TNS3: variants seen among roughly 807,000 people sequenced by gnomAD.
TNS3 encodes tensin-3.
TNS3 carries 45 observed loss-of-function variants against 140.9 expected under a neutral mutation model. The observed-to-expected ratio is 0.32, with a 90% CI of 0.25 to 0.41. The LOEUF (loss-of-function observed/expected upper bound fraction) is 0.41. Ranked by LOEUF, TNS3 falls within the 10% of genes least tolerant of loss-of-function variation. The pLI is 1.00. For missense variants in TNS3, 1,716 were observed against 1,906.7 expected (o/e 0.90, Z 1.86); for synonymous variants, 815 against 788.4 (o/e 1.03, Z -0.56).
rs190052914 is a variant in TNS3 at position 47,482,561 on chromosome 7, C to A, written c.-114-1420G>T. Among the ~76,000 whole-genome samples, 24 of 152,320 alleles carry A rather than the reference C, an allele frequency of 1.6e-4. No individual in the cohort carries two copies. The East Asian group carries it at 4.0e-3, about 26-fold the overall frequency. On this transcript the variant is annotated intron_variant, in intron 3 of 30. Coordinates refer to ENST00000311160, the MANE Select transcript of TNS3 (RefSeq NM_022748.12). Reference sequence around the variant, plus strand: ...TGGCGGAAACAGCCGGACAAGGAGACCCCATGGTTAACAGAGCGGTGTGAC... The same window carrying A: ...TGGCGGAAACAGCCGGACAAGGAGAACCCATGGTTAACAGAGCGGTGTGAC...
chr7:47,385,186 C>T (rs1792004074), intron 16 of TNS3, among the ~76,000 whole-genome samples: 1 of 152,208 alleles, frequency 6.6e-6, no homozygotes, highest in Non-Finnish European at 1.5e-5. Flanking sequence ...AGTCTCCTGC[C>T]TCTGTCAATC....
chr7:47,513,581 C>T (rs1023533573), intron 2 of TNS3, among the ~76,000 whole-genome samples: 8 of 152,304 alleles, frequency 5.3e-5, no homozygotes, highest in Middle Eastern at 3.4e-3. Flanking sequence ...GATGTTCAAC[C>T]TCATGTAATC....
chr7:47,314,167 T>C (rs946159599), intron 20 of TNS3, among the ~76,000 whole-genome samples: 1 of 152,234 alleles, frequency 6.6e-6, no homozygotes, highest in East Asian at 1.9e-4. Flanking sequence ...CCAGATAAGT[T>C]GGGTGAGTGT....
intron 20 of TNS3, among the ~76,000 whole-genome samples, chr7:47,315,706 C>T (rs1787358907): frequency 1.3e-5 from 2 of 152,212 alleles, no homozygotes; most frequent in East Asian, 1.9e-4. Context: ...AGTTGTCAGA[C>T]ATATTAAACA....
chr7:47,296,314 G>A (rs1214275373), intron 24 of TNS3, among the ~76,000 whole-genome samples: 4 of 152,200 alleles, frequency 2.6e-5, no homozygotes, highest in African/African-American at 9.7e-5. Context: ...GGTGGATGCT[G>A]GTGAGGTTGT....
intron 3 of TNS3, among the ~76,000 whole-genome samples, chr7:47,485,645 C>G (rs546506831): frequency 6.6e-6 from 1 of 152,240 alleles, no homozygotes; most frequent in Admixed American, 6.5e-5. Context: ...GTGGCATCCC[C>G]GGGATCCGTC....
intron 17 of TNS3, among the ~76,000 whole-genome samples, chr7:47,347,901 G>A (rs1231084504): frequency 6.6e-6 from 1 of 152,106 alleles, no homozygotes; most frequent in Admixed American, 6.5e-5. Flanking sequence ...TCCCACAAGG[G>A]GGAGGATTAA....
chr7:47,378,086 G>T (rs1260993754), intron 16 of TNS3, among the ~76,000 whole-genome samples: 2 of 152,160 alleles, frequency 1.3e-5, no homozygotes, highest in Non-Finnish European at 2.9e-5. Flanking sequence ...ACCTGGAGAA[G>T]GGGGTGTTTG....
At chr7:47,311,443 C>CAT (rs201243329) in intron 20 of TNS3, among the ~76,000 whole-genome samples, 32 of 131,754 alleles carry the variant, frequency 2.4e-4, no homozygotes, top group African/African-American at 7.3e-4. Context: ...TGTGTGTATA[C>CAT]ATATATATAT....
At chr7:47,497,904 C>T (rs558490372) in intron 3 of TNS3, among the ~76,000 whole-genome samples, 1 of 152,268 alleles carries the variant, frequency 6.6e-6, no homozygotes, top group African/African-American at 2.4e-5. Context: ...ATGAAAGTGG[C>T]ATCTGTTTTG....
intron 8 of TNS3, among the ~76,000 whole-genome samples, chr7:47,430,059 C>T (rs1156951514): frequency 1.3e-5 from 2 of 152,164 alleles, no homozygotes; most frequent in African/African-American, 2.4e-5. Context: ...ACATTCACCC[C>T]ATTATCAATC....
chr7:47,355,019 ACATGCCCCAAAGTCCCCTACACTGC>A (rs534825736), intron 17 of TNS3, among the ~76,000 whole-genome samples: 58 of 152,190 alleles, frequency 3.8e-4, no homozygotes, highest in African/African-American at 1.3e-3. Context: ...AAAATGGGAC[ACATGCCCCAAAGTCCCCTACACTGC>A]CACTCCCAAA....
intron 17 of TNS3, among the ~76,000 whole-genome samples, chr7:47,359,793 G>A (rs1036994141): frequency 7.2e-5 from 11 of 152,180 alleles, no homozygotes; most frequent in African/African-American, 2.2e-4. Flanking sequence ...TAAAGATGGC[G>A]CTAGAAGGTA....
At chr7:47,572,991 A>G (rs946044285) in intron 1 of TNS3, among the ~76,000 whole-genome samples, 2 of 152,164 alleles carry the variant, frequency 1.3e-5, no homozygotes, top group African/African-American at 2.4e-5. Context: ...CCTCACAGGG[A>G]TATGTGGGGA....
chr7:47,527,828 G>A (rs1799253542), intron 2 of TNS3, among the ~76,000 whole-genome samples: 1 of 151,912 alleles, frequency 6.6e-6, no homozygotes, highest in South Asian at 2.1e-4. Flanking sequence ...GGATGGCTTG[G>A]GCCAGGAGGT....
chr7:47,447,401 A>C (rs147950854), intron 4 of TNS3, among the ~76,000 whole-genome samples: 106 of 152,230 alleles, frequency 7.0e-4, no homozygotes, highest in African/African-American at 2.5e-3. Flanking sequence ...TTTTGGGAGA[A>C]AGTAGCCTAG....
At chr7:47,561,479 T>A (rs908479562) in intron 1 of TNS3, among the ~76,000 whole-genome samples, 4 of 152,146 alleles carry the variant, frequency 2.6e-5, no homozygotes, top group African/African-American at 9.7e-5. Context: ...CTCTTTTTTT[T>A]AAATCGCTTA....
intron 3 of TNS3, among the ~76,000 whole-genome samples, chr7:47,505,336 G>A (rs773487580): frequency 3.0e-4 from 46 of 152,198 alleles, no homozygotes; most frequent in Non-Finnish European, 5.9e-4. Flanking sequence ...CCCAGGAAAG[G>A]AGCCTATCTG....
intron 23 of TNS3, among the ~76,000 whole-genome samples, chr7:47,298,518 G>T (rs1250427076): frequency 6.6e-6 from 1 of 152,218 alleles, no homozygotes; most frequent in African/African-American, 2.4e-5. Context: ...TTCTTTTCTA[G>T]ACATTTACTC....
Sources: allele counts gnomAD v4.1 joint callset (sites outside exome capture counted in the v4.1 genomes callset), GRCh38; gene constraint gnomAD v4.1.1; transcripts MANE v1.5; gene names NCBI Gene and HGNC (gene_info 2026-07-23, HGNC 2026-07-21).